Variants in SPTA1 observed in about 807,000 individuals in gnomAD.
The protein encoded by SPTA1 is spectrin alpha chain, erythrocytic 1.
Under a neutral mutation model 324.7 loss-of-function variants are expected in SPTA1, and 177 were observed. That is an observed-to-expected ratio of 0.55 (90% CI 0.48 to 0.62). The LOEUF is 0.62. Ranked by LOEUF, SPTA1 falls within the 20% of genes least tolerant of loss-of-function variation. SPTA1 has a pLI of 0.00. For missense variants in SPTA1, 3,162 were observed against 2,883.6 expected (o/e 1.10, Z -2.21); for synonymous variants, 1,195 against 1,041.3 (o/e 1.15, Z -2.84).
chr1:158,632,531 A>G (rs1304197774), intron 39 of SPTA1, among the ~76,000 whole-genome samples: 2 of 152,190 alleles, frequency 1.3e-5, no homozygotes, highest in South Asian at 2.1e-4. Context: ...AAAAATACAG[A>G]TGTCAAATAA....
intron 41 of SPTA1, 80 bp downstream of exon 41, chr1:158,626,759 T>A (rs2101780116): frequency 2.5e-6 from 4 of 1,584,660 alleles, no homozygotes. Context: ...ACAGTAAAAG[T>A]CCCAGAGACC....
chr1:158,669,378 C>A (rs374858312), intron 14 of SPTA1, 30 bp downstream of exon 14: 1 of 1,613,738 alleles, frequency 6.2e-7, no homozygotes, highest in African/African-American at 1.3e-5. Context: ...CTCCTGATAA[C>A]TACATCCAGC....
In SPTA1 at chr1:158,627,609, TCCTGAACTAGCTCA is replaced by T; in HGVS notation, c.5664+2_5664+15del. ...GGAGAATGGAAGTTTGAGCTGGAATTCCTGAACTAGCTCACCTTATTTAGGATGTCTTCTCCTTG... is the reference window on the plus strand; with the variant it reads ...GGAGAATGGAAGTTTGAGCTGGAATTCCTTATTTAGGATGTCTTCTCCTTG... On this transcript the variant is annotated splice_donor_variant and splice_donor_5th_base_variant and intron_variant, in intron 40 of 51. Coordinates refer to ENST00000643759, the MANE Select transcript of SPTA1 (RefSeq NM_003126.4). LOFTEE classifies it high-confidence loss of function. 1 of 1,611,962 alleles carries T rather than the reference TCCTGAACTAGCTCA, an allele frequency of 6.2e-7. No individual in the cohort carries two copies. The highest frequency in any genetic ancestry group is 8.5e-7 in the Non-Finnish European group (1 of 1,178,366).
intron 14 of SPTA1, 29 bp from the exon 15 acceptor site, chr1:158,668,091 A>C (rs1553234326): frequency 5.6e-6 from 8 of 1,439,548 alleles, no homozygotes; most frequent in Admixed American, 3.4e-5. Context: ...AAAAAAAAAA[A>C]CCATTACCTG....
In SPTA1 at chr1:158,685,090, T is replaced by C; in HGVS notation, c.264+18A>G. On this transcript the variant is annotated intron_variant, in intron 2 of 51. Transcript: ENST00000643759. ...GATCTTAGGGTCTGCTCTGAGGCAA[T>C]CAAGAGAACTGAGTGACCTGTATAT... 1 of 1,613,576 alleles carries C rather than the reference T, an allele frequency of 6.2e-7. No homozygotes were observed. Among genetic ancestry groups the C allele is most frequent in the Non-Finnish European group, 8.5e-7 (1 of 1,179,686 alleles).
rs112110641 is a variant in SPTA1, at chr1:158,663,716, A to G, written c.2221-771T>C. Among the ~76,000 whole-genome samples, 622 of 152,238 alleles carry G rather than the reference A, an allele frequency of 4.1e-3. 7 individuals are homozygous for G. Among genetic ancestry groups the G allele is most frequent in the African/African-American group, 0.014 (592 of 41,550 alleles). ...TATAAGAGTGGCACATAAGCAAGTG[A>G]GAGGTAGCATTAGGACAAATACCTA... is the stretch of plus-strand genomic sequence containing the variant. On this transcript the variant is annotated intron_variant, in intron 16 of 51. Coordinates refer to ENST00000643759, the MANE Select transcript of SPTA1 (RefSeq NM_003126.4).
chr1:158,614,214 G>A, intron 49 of SPTA1, 39 bp downstream of exon 49: 2 of 1,437,130 alleles, frequency 1.4e-6, no homozygotes, highest in East Asian at 4.6e-5. Context: ...TGAATAATCT[G>A]AAAAACAAAG....
chr1:158,686,087 C>G (rs1157280602), intron 1 of SPTA1, among the ~76,000 whole-genome samples: 1 of 152,180 alleles, frequency 6.6e-6, no homozygotes, highest in Non-Finnish European at 1.5e-5. Flanking sequence ...ATATGGATAC[C>G]ATTTTCCCTA....
chr1:158,649,938 A>T lies in SPTA1; in HGVS notation c.3487T>A (p.Ser1163Thr), dbSNP rs2482965. 6.2e-7 allele frequency: 1 copy of T among 1,613,088 alleles called. No homozygotes were observed. The highest frequency in any genetic ancestry group is 1.7e-5 in the Admixed American group (1 of 59,900). The change falls in exon 25 of 52, where the codon TCC (serine) becomes ACC (threonine). Residue 1163 changes from serine to threonine, a missense_variant. Transcript: ENST00000643759. ...AGCCTCTGCAAAGAACCCCAGCGGG[A>T]ATTCAATTCCTAAAAGAGGCAAAAA... ...EGAQIRQELNSRWGSLQRLAD... is the reference protein window; with the variant it reads ...EGAQIRQELNTRWGSLQRLAD...
At chr1:158,624,281 C>T (rs1019700479) in intron 42 of SPTA1, among the ~76,000 whole-genome samples, 4 of 152,156 alleles carry the variant, frequency 2.6e-5, no homozygotes, top group Admixed American at 2.0e-4. Flanking sequence ...CCACCAACAG[C>T]TTGCAACATG....
intron 43 of SPTA1, 91 bp downstream of exon 43, chr1:158,622,892 A>G: frequency 8.6e-7 from 1 of 1,156,804 alleles, no homozygotes; most frequent in Non-Finnish European, 1.3e-6. Context: ...TTTTTGTATT[A>G]TCCAAACTGA....
In SPTA1 at chr1:158,614,317, A is replaced by AAG; in HGVS notation, c.6789-12_6789-11insCT. The AAG allele has an allele frequency of 1.3e-6, 2 of 1,578,080 alleles. No individual in the cohort carries two copies. Among genetic ancestry groups the AAG allele is most frequent in the Non-Finnish European group, 1.7e-6 (2 of 1,151,418 alleles). On this transcript the variant is annotated splice_polypyrimidine_tract_variant and intron_variant, in intron 48 of 51. Coordinates refer to ENST00000643759, the MANE Select transcript of SPTA1 (RefSeq NM_003126.4). ...ACACCTTTGATGTCCCTGAAAGAAA[A>AAG]AAAAAAAACATGAATTTTCCCTGTA... is the stretch of plus-strand genomic sequence containing the variant.
Position 158,645,255 on chromosome 1 carries a change from T to C in SPTA1, c.4127A>G (p.Glu1376Gly). ...IEKKLQAVKL[E>G]RDDLEKAWEK... Reference sequence around the variant, plus strand: ...CCAAGCCTTCTCCAAATCATCTCTCTCTAGCTTGACAGCTTGAAGCTTTTT... The same window carrying C: ...CCAAGCCTTCTCCAAATCATCTCTCCCTAGCTTGACAGCTTGAAGCTTTTT... The change falls in exon 29 of 52, where the codon GAG (glutamate) becomes GGG (glycine). Residue 1376 changes from glutamate to glycine, a missense_variant. By Grantham distance (98) the Glu-to-Gly change is moderately conservative (BLOSUM62 -2). Coordinates refer to ENST00000643759, the MANE Select transcript of SPTA1 (RefSeq NM_003126.4). 1 of 1,614,082 alleles carries C rather than the reference T, an allele frequency of 6.2e-7. No individual in the cohort carries two copies. Among genetic ancestry groups the C allele is most frequent in the Non-Finnish European group, 8.5e-7 (1 of 1,179,962 alleles).
chr1:158,648,629 C>G lies in SPTA1; in HGVS notation c.3594G>C (p.Gln1198His). Residue 1198 changes from glutamine (Q) to histidine (H), a missense_variant, in exon 26 of 52, where the codon CAG (glutamine) becomes CAC (histidine). Gln to His is a conservative substitution (Grantham distance 24). Coordinates refer to ENST00000643759, the MANE Select transcript of SPTA1 (RefSeq NM_003126.4). ...TGAGGGCCTGGCATTTCTTCTCAAT[C>G]TGCTCCTTCGTGTCATCTGCTTCTC... ...FHREADDTKE[Q>H]IEKKCQALSA... 3 of 1,613,882 alleles carry G rather than the reference C, an allele frequency of 1.9e-6. No individual in the cohort carries two copies. In the South Asian group the frequency reaches 3.3e-5, roughly 18 times the overall value.
intron 12 of SPTA1, among the ~76,000 whole-genome samples, chr1:158,670,053 T>G (rs980115763): frequency 2.0e-5 from 3 of 152,244 alleles, no homozygotes; most frequent in African/African-American, 7.2e-5. Context: ...ATGAGATGAT[T>G]GATTTATTCT....
intron 9 of SPTA1, 34 bp from the exon 10 acceptor site, chr1:158,674,464 G>A (rs1292438682): frequency 1.2e-6 from 2 of 1,613,986 alleles, no homozygotes; most frequent in East Asian, 4.5e-5. Flanking sequence ...TCAAAATGCA[G>A]CAAGAAACCT....
intron 43 of SPTA1, among the ~76,000 whole-genome samples, chr1:158,621,931 C>A (rs1239957271): frequency 1.3e-5 from 2 of 152,200 alleles, no homozygotes; most frequent in African/African-American, 4.8e-5. Flanking sequence ...TGGCCGCGAT[C>A]TGGGCTCACT....
chr1:158,620,562 T>C (rs971093295), intron 43 of SPTA1, 96 bp from the exon 44 acceptor site: 71 of 1,474,422 alleles, frequency 4.8e-5, no homozygotes, highest in Non-Finnish European at 6.3e-5. Context: ...TCTTTAAATA[T>C]CTGCAGGGCC....
At chr1:158,660,770 T>A (rs556624638) in intron 18 of SPTA1, among the ~76,000 whole-genome samples, 1 of 152,350 alleles carries the variant, frequency 6.6e-6, no homozygotes, top group East Asian at 1.9e-4. Flanking sequence ...ACCTGGCTTA[T>A]GATGTTCAAA....
Sources: allele counts gnomAD v4.1 joint callset (sites outside exome capture counted in the v4.1 genomes callset), GRCh38; gene constraint gnomAD v4.1.1; transcripts MANE v1.5; gene names NCBI Gene and HGNC (gene_info 2026-07-23, HGNC 2026-07-21).